CIMAP1B: variants seen among roughly 807,000 people sequenced by gnomAD.
The protein encoded by CIMAP1B is orf2 5' to PD-ECGF/TP.
At chr22:50,530,831 G>A in the CIMAP1B span, 1 of 1,604,444 alleles carries the variant, frequency 6.2e-7, no homozygotes, top group Non-Finnish European at 8.5e-7. Context: ...CTCACGACCT[G>A]ATAGGCGCAG....
At chr22:50,531,156 GC>G in the CIMAP1B span, 1 of 1,595,064 alleles carries the variant, frequency 6.3e-7, no homozygotes. Flanking sequence ...GAGTGGGAAG[GC>G]CCACAGTTCT....
At chr22:50,530,678 T>C in the CIMAP1B span, 1 of 1,607,540 alleles carries the variant, frequency 6.2e-7, no homozygotes, top group Non-Finnish European at 8.5e-7. Flanking sequence ...CCCACTCTCC[T>C]GACTCTGACC....
At chr22:50,531,682 C>A in the CIMAP1B span, 1 of 1,371,050 alleles carries the variant, frequency 7.3e-7, no homozygotes, top group Non-Finnish European at 9.4e-7. Flanking sequence ...GGTGGCCTGG[C>A]CCGGGGCCGC....
At chr22:50,531,633 C>G in the CIMAP1B span, 1 of 1,383,710 alleles carries the variant, frequency 7.2e-7, no homozygotes, top group Non-Finnish European at 9.3e-7. Context: ...TAGGCGGGGG[C>G]GCCGTCGGTG....
At chr22:50,531,134 G>T in the CIMAP1B span, 1 of 1,589,366 alleles carries the variant, frequency 6.3e-7, no homozygotes, top group Non-Finnish European at 8.6e-7. Context: ...CCGGAGGGCG[G>T]TCCCCGGTCT....
the CIMAP1B span, chr22:50,531,146 G>T: frequency 6.3e-7 from 1 of 1,591,880 alleles, no homozygotes; most frequent in Non-Finnish European, 8.6e-7. Context: ...CCCCGGTCTC[G>T]AGTGGGAAGG....
chr22:50,531,992 T>C, the CIMAP1B span: 1 of 1,346,328 alleles, frequency 7.4e-7, no homozygotes, highest in South Asian at 1.9e-5. Flanking sequence ...CAGCTTGTAT[T>C]TGGGCCCGGG....
chr22:50,530,443 T>G, the CIMAP1B span: 2 of 1,559,176 alleles, frequency 1.3e-6, no homozygotes, highest in Non-Finnish European at 1.7e-6. Flanking sequence ...TCGCAGACTT[T>G]AAGCAAACAC....
chr22:50,531,570 C>G, the CIMAP1B span: 1 of 1,428,288 alleles, frequency 7.0e-7, no homozygotes, highest in Non-Finnish European at 9.1e-7. Flanking sequence ...GGGTCCTGAC[C>G]AGGTCCCGGA....
the CIMAP1B span, chr22:50,530,873 C>T: frequency 1.2e-6 from 2 of 1,605,786 alleles, no homozygotes; most frequent in Non-Finnish European, 1.7e-6. Context: ...GCAGAGGGTG[C>T]TGGCTGCCGC....
At chr22:50,531,138 C>T in the CIMAP1B span, 2 of 1,592,718 alleles carry the variant, frequency 1.3e-6, no homozygotes, top group African/African-American at 1.3e-5. Flanking sequence ...AGGGCGGTCC[C>T]CGGTCTCGAG....
the CIMAP1B span, chr22:50,531,176 C>G: frequency 2.5e-6 from 4 of 1,607,558 alleles, no homozygotes; most frequent in Non-Finnish European, 3.4e-6. Flanking sequence ...CTGGGATGGG[C>G]CGTTCTGACC....
the CIMAP1B span, chr22:50,531,862 C>A: frequency 7.5e-7 from 1 of 1,328,278 alleles, no homozygotes; most frequent in South Asian, 2.2e-5. Context: ...CCCCCTCTCC[C>A]CTCTAGCAGG....
the CIMAP1B span, chr22:50,531,596 G>C: frequency 2.1e-6 from 3 of 1,402,164 alleles, no homozygotes; most frequent in Non-Finnish European, 1.8e-6. Flanking sequence ...GAAGGGCGCT[G>C]AGCGGCGTGG....
At chr22:50,531,465 G>A in the CIMAP1B span, 1 of 1,097,960 alleles carries the variant, frequency 9.1e-7, no homozygotes, top group Non-Finnish European at 1.3e-6. Flanking sequence ...AATATGCGGT[G>A]TTAGGGTATC....
the CIMAP1B span, chr22:50,531,941 C>T: frequency 1.4e-5 from 19 of 1,318,230 alleles, no homozygotes; most frequent in Non-Finnish European, 1.8e-5. Context: ...CCGTCCCACC[C>T]CTCAATCCCG....
At chr22:50,532,278 G>C in the CIMAP1B span, 20 of 726,480 alleles carry the variant, frequency 2.8e-5, no homozygotes, top group African/African-American at 7.3e-5. Context: ...GCTTGGGGCC[G>C]GGAGCGGATC....
the CIMAP1B span, chr22:50,530,628 C>T: frequency 5.1e-6 from 8 of 1,573,032 alleles, no homozygotes; most frequent in East Asian, 1.4e-4. Context: ...CCCCTGGACC[C>T]CCGGGGACTC....
chr22:50,531,917 C>A, the CIMAP1B span: 133 of 1,314,364 alleles, frequency 1.0e-4, no homozygotes, highest in Admixed American at 5.0e-4. Context: ...TCTTCCCCTT[C>A]CCTCCCCCAG....
Sources: gnomAD v4.1 joint callset for allele counts on GRCh38, gnomAD v4.1.1 for gene constraint, MANE v1.5 for transcripts, NCBI Gene and HGNC (gene_info 2026-07-23, HGNC 2026-07-21) for gene names.